DCC: variants seen among roughly 807,000 people sequenced by gnomAD.
DCC encodes the protein netrin receptor DCC.
A neutral mutation model predicts 172.5 loss-of-function variants in DCC; 58 were observed. That is an observed-to-expected ratio of 0.34 (90% CI 0.27 to 0.42). The LOEUF is 0.42. Among genes scored for constraint, DCC ranks in the 10% least tolerant of loss-of-function variants. DCC has a pLI of 1.00. For missense variants in DCC, 1,740 were observed against 1,791.0 expected (o/e 0.97, Z 0.51); for synonymous variants, 709 against 644.5 (o/e 1.10, Z -1.52).
intron 7 of DCC, among the ~76,000 whole-genome samples, chr18:53,136,625 G>A (rs2043747014): frequency 6.6e-6 from 1 of 152,094 alleles, no homozygotes; most frequent in South Asian, 2.1e-4. Flanking sequence ...TGGCAGGAGG[G>A]ATGGACCACA....
chr18:52,440,327 G>A (rs1040207234), intron 1 of DCC, among the ~76,000 whole-genome samples: 6 of 152,194 alleles, frequency 3.9e-5, no homozygotes, highest in Non-Finnish European at 7.3e-5. Context: ...CACAAGGATG[G>A]TTCTTAGAAG....
At chr18:52,949,416 A>G (rs1283873103) in intron 5 of DCC, among the ~76,000 whole-genome samples, 2 of 152,274 alleles carry the variant, frequency 1.3e-5, no homozygotes, top group East Asian at 3.9e-4. Flanking sequence ...GGGCAGAACC[A>G]TCCCAAAATG....
chr18:53,310,404 T>C (rs2057252378), intron 13 of DCC, among the ~76,000 whole-genome samples: 1 of 152,298 alleles, frequency 6.6e-6, no homozygotes, highest in East Asian at 1.9e-4. Context: ...ATTTGTATGT[T>C]ATAAATATTC....
At chr18:53,100,304 G>A (rs1568304773) in intron 7 of DCC, among the ~76,000 whole-genome samples, 1 of 151,938 alleles carries the variant, frequency 6.6e-6, no homozygotes, top group Non-Finnish European at 1.5e-5. Context: ...AAAGAGTAAG[G>A]GGAGTTTTTG....
At chr18:53,325,459 C>T (rs2057457078) in intron 14 of DCC, among the ~76,000 whole-genome samples, 1 of 152,154 alleles carries the variant, frequency 6.6e-6, no homozygotes, top group Non-Finnish European at 1.5e-5. Context: ...CTCTACTTGA[C>T]TTATGTGCTC....
chr18:53,475,514 G>A (rs1410448690), intron 25 of DCC, among the ~76,000 whole-genome samples: 1 of 152,224 alleles, frequency 6.6e-6, no homozygotes, highest in African/African-American at 2.4e-5. Context: ...TAGAGCTCAG[G>A]TCTTGGCTTC....
At chr18:53,268,463 C>T (rs1244228891) in intron 12 of DCC, among the ~76,000 whole-genome samples, 14 of 152,006 alleles carry the variant, frequency 9.2e-5, no homozygotes, top group Non-Finnish European at 4.4e-5. Context: ...ATTTTTTCTT[C>T]CTTTCACCCA....
intron 1 of DCC, among the ~76,000 whole-genome samples, chr18:52,613,548 C>A (rs2034316606): frequency 6.6e-6 from 1 of 152,192 alleles, no homozygotes; most frequent in Non-Finnish European, 1.5e-5. Context: ...AGCCACCACA[C>A]CCATCCTGTC....
intron 1 of DCC, among the ~76,000 whole-genome samples, chr18:52,431,586 T>C (rs1215978442): frequency 6.6e-6 from 1 of 152,102 alleles, no homozygotes; most frequent in Non-Finnish European, 1.5e-5. Flanking sequence ...GTAAATAATA[T>C]GTTGTGCTTT....
intron 5 of DCC, among the ~76,000 whole-genome samples, chr18:52,983,622 C>G (rs2041246991): frequency 6.6e-6 from 1 of 152,110 alleles, no homozygotes; most frequent in Non-Finnish European, 1.5e-5. Flanking sequence ...ATGTTTGTAA[C>G]TAAGACGTAA....
At chr18:52,602,480 C>T (rs2034037111) in intron 1 of DCC, among the ~76,000 whole-genome samples, 1 of 151,012 alleles carries the variant, frequency 6.6e-6, no homozygotes, top group African/African-American at 2.4e-5. Context: ...AACATTATGC[C>T]AGCAGGGGAT....
chr18:53,286,513 C>CT (rs1334557778), intron 12 of DCC, among the ~76,000 whole-genome samples: 2 of 152,132 alleles, frequency 1.3e-5, no homozygotes, highest in African/African-American at 2.4e-5. Flanking sequence ...TTGTAAATTG[C>CT]CCAGTCTCAA....
chr18:52,694,241 G>T (rs960812323), intron 1 of DCC, among the ~76,000 whole-genome samples: 2 of 152,084 alleles, frequency 1.3e-5, no homozygotes, highest in African/African-American at 2.4e-5. Flanking sequence ...AACTGTCAAG[G>T]TGGTGAAAAA....
At chr18:53,475,519 G>A (rs1200153270) in intron 25 of DCC, among the ~76,000 whole-genome samples, 1 of 152,210 alleles carries the variant, frequency 6.6e-6, no homozygotes, top group African/African-American at 2.4e-5. Context: ...CTCAGGTCTT[G>A]GCTTCAGAGG....
chr18:53,402,720 A>T (rs1408884628), intron 18 of DCC, 66 bp from the exon 19 acceptor site: 2 of 1,149,896 alleles, frequency 1.7e-6, no homozygotes, highest in East Asian at 4.8e-5. Flanking sequence ...TCATGATGAA[A>T]TTTCCAACAA....
intron 1 of DCC, among the ~76,000 whole-genome samples, chr18:52,682,682 G>C (rs1180667984): frequency 6.6e-6 from 1 of 152,016 alleles, no homozygotes; most frequent in Non-Finnish European, 1.5e-5. Flanking sequence ...ACACGAAGCA[G>C]ACAAATATAA....
At chr18:53,398,904 A>G (rs994942346) in intron 18 of DCC, among the ~76,000 whole-genome samples, 2 of 152,186 alleles carry the variant, frequency 1.3e-5, no homozygotes, top group Admixed American at 6.6e-5. Flanking sequence ...GTAATTCACA[A>G]GTGTCTGCAG....
chr18:52,569,305 A>T (rs920062816), intron 1 of DCC, among the ~76,000 whole-genome samples: 7 of 152,208 alleles, frequency 4.6e-5, no homozygotes, highest in Non-Finnish European at 1.0e-4. Context: ...AAATTATTCA[A>T]CTTGCATGCT....
chr18:53,250,655 T>G (rs2056419094), intron 12 of DCC, among the ~76,000 whole-genome samples: 1 of 151,822 alleles, frequency 6.6e-6, no homozygotes, highest in Admixed American at 6.6e-5. Flanking sequence ...GGGGTCTCAC[T>G]CTGATTGTCT....
Sources: gnomAD v4.1 joint callset for allele counts (sites outside exome capture counted in the v4.1 genomes callset) on GRCh38, gnomAD v4.1.1 for gene constraint, MANE v1.5 for transcripts, NCBI Gene and HGNC (gene_info 2026-07-23, HGNC 2026-07-21) for gene names.